The following DHTKD1 variants were observed in gnomAD, a reference collection of about 807,000 sequenced individuals.
DHTKD1 encodes dehydrogenase E1 and transketolase domain containing 1.
In DHTKD1, 78 loss-of-function variants were observed where a neutral mutation model predicts 101.8. That is an observed-to-expected ratio of 0.77 (90% CI 0.64 to 0.93). DHTKD1 has a LOEUF of 0.93. Ranked by LOEUF, DHTKD1 falls within the 40% of genes least tolerant of loss-of-function variation. The probability of loss-of-function intolerance (pLI) is 0.00; values close to 1 mark genes in which losing one functional copy is unlikely to be tolerated. For synonymous variants in DHTKD1, 462 were observed against 450.3 expected, an observed-to-expected ratio of 1.03 and a Z score of -0.33; for missense variants, 1,223 against 1,161.7, an observed-to-expected ratio of 1.05 and a Z score of -0.77.
intron 10 of DHTKD1, 73 bp from the exon 11 acceptor site, chr10:12,106,173 G>T (rs1474717582): frequency 1.3e-6 from 2 of 1,523,546 alleles, no homozygotes; most frequent in African/African-American, 1.4e-5. Flanking sequence ...ACCTCCCTTC[G>T]ATAAGTTCGC....
intron 7 of DHTKD1, among the ~76,000 whole-genome samples, chr10:12,095,609 C>A (rs376121740): frequency 2.6e-5 from 4 of 151,782 alleles, no homozygotes. Flanking sequence ...GTCAGGAGAT[C>A]GAGACCATCC....
At position 12,087,582 on chromosome 10, in the gene DHTKD1, TGGAGGCGAA is replaced by T; in HGVS notation, c.573_581del (p.Gly192_Gly194del). On this transcript the variant is annotated inframe_deletion, in exon 4 of 17. Transcript: ENST00000263035. This position sits in a 1 kb window ranked among gnomAD's most constrained non-coding sequence, Gnocchi z 5.2. Reference sequence around the variant, plus strand: ...CCAAGTTCTCGACAGTGAAGCGATATGGAGGCGAAGGGGCTGAAAGCATGATGGGCTTTT... The same window carrying T: ...CCAAGTTCTCGACAGTGAAGCGATATGGGGCTGAAAGCATGATGGGCTTTT... 1 of 1,613,130 alleles carries T rather than the reference TGGAGGCGAA, an allele frequency of 6.2e-7. No homozygotes were observed.
At chr10:12,075,651 T>C (rs1367226091) in intron 1 of DHTKD1, among the ~76,000 whole-genome samples, 1 of 152,204 alleles carries the variant, frequency 6.6e-6, no homozygotes, top group Non-Finnish European at 1.5e-5. Context: ...ATTACAGGTG[T>C]GAGCCACAAT....
At chr10:12,091,253 A>G (rs7094385) in intron 5 of DHTKD1, among the ~76,000 whole-genome samples, 39,518 of 151,152 alleles carry the variant, frequency 0.26, 5,459 homozygotes, top group African/African-American at 0.37. Context: ...TCTACTAAAA[A>G]TACAAAAAAT....
intron 10 of DHTKD1, among the ~76,000 whole-genome samples, chr10:12,102,234 G>T (rs573972392): frequency 1.6e-4 from 25 of 151,960 alleles, no homozygotes; most frequent in Non-Finnish European, 3.5e-4. Context: ...GACCATCCTG[G>T]CCAAAATGGT....
In DHTKD1 at chr10:12,110,111, A is replaced by G. The variant is rs189107933; in HGVS notation, c.2154+2096A>G. Among the ~76,000 whole-genome samples, 655 of 152,282 alleles carry G rather than the reference A, an allele frequency of 4.3e-3. 7 individuals are homozygous for G. The highest frequency in any genetic ancestry group is 0.012 in the African/African-American group (491 of 41,554). ...CAGGAGATGAAGACCATCCTGGCTA[A>G]CACGGTGAAACCCTGTGTCTACTAA... On this transcript the variant is annotated intron_variant, in intron 12 of 16. Coordinates refer to ENST00000263035, the MANE Select transcript of DHTKD1 (RefSeq NM_018706.7). This position sits in a 1 kb window ranked among gnomAD's most constrained non-coding sequence, Gnocchi z 4.9.
Position 12,120,394 on chromosome 10 carries a change from C to T in DHTKD1, c.2658+127C>T, listed in dbSNP as rs186275430. 1.8e-3 allele frequency: 1,362 copies of T among 770,576 alleles called. 19 individuals carry two copies. In the African/African-American group the frequency reaches 0.02, roughly 12 times the overall value. The allele number at this position is 770,576 out of a possible 1,614,324, so 47.7% of individuals were successfully genotyped here. A position where few individuals can be genotyped will look rare whatever the true frequency, so the allele number is the denominator to read the frequency against. ...TGTTGCCCAGGCTGGAGTGCAGTGG[C>T]GCAATCTCAGCTCACTGCAAGCTCC... On this transcript the variant is annotated intron_variant, in intron 16 of 16. Coordinates refer to ENST00000263035, the MANE Select transcript of DHTKD1 (RefSeq NM_018706.7).
chr10:12,095,812 C>CAAAAAAAAAAAAAAAAAAAAAAAAAAA (rs1185585860), intron 7 of DHTKD1, among the ~76,000 whole-genome samples: 4 of 41,496 alleles, frequency 9.6e-5, no homozygotes, highest in Non-Finnish European at 2.0e-4. Context: ...GACTCCGTCT[C>CAAAAAAAAAAAAAAAAAAAAAAAAAAA]AAAAAAAAAA....
chr10:12,115,695 C>A (rs1833405603), intron 13 of DHTKD1, among the ~76,000 whole-genome samples: 1 of 152,176 alleles, frequency 6.6e-6, no homozygotes, highest in South Asian at 2.1e-4. Flanking sequence ...CCTCATAAGC[C>A]TGGAAGCATC....
intron 8 of DHTKD1, among the ~76,000 whole-genome samples, chr10:12,099,032 T>C (rs1233691444): frequency 6.6e-6 from 1 of 152,046 alleles, no homozygotes; most frequent in African/African-American, 2.4e-5. Flanking sequence ...TTGCCTGGCA[T>C]GGTGGCGCAT....
rs757214535 is a variant in DHTKD1 at position 12,107,898 on chromosome 10, T to C, written c.2048-11T>C. The C allele has an allele frequency of 1.9e-6, 3 of 1,585,330 alleles. No homozygotes were observed. The highest frequency in any genetic ancestry group is 1.7e-6 in the Non-Finnish European group (2 of 1,154,178). ...CGTAGAGCTCTTACTCCCCACGTGG[T>C]ACTTTTCCAGGAGAGGCCAAGTGGC... On this transcript the variant is annotated splice_polypyrimidine_tract_variant and intron_variant, in intron 11 of 16. Coordinates refer to ENST00000263035, the MANE Select transcript of DHTKD1 (RefSeq NM_018706.7). This position sits in a 1 kb window ranked among gnomAD's most constrained non-coding sequence, Gnocchi z 4.1.
Position 12,087,842 on chromosome 10 carries a change from T to A in DHTKD1, c.717+113T>A. The A allele has an allele frequency of 1.0e-6, 1 of 975,684 alleles. No homozygotes were observed. The highest frequency in any genetic ancestry group is 1.4e-6 in the Non-Finnish European group (1 of 692,380). 60.4% of individuals were successfully genotyped at this position (975,684 alleles called of 1,614,324 possible). A position where few individuals can be genotyped will look rare whatever the true frequency, so the allele number is the denominator to read the frequency against. ...TGGTGATGGTGATGGCCGGGCACTGTGGCTCACACCTGCAATCCCAGCCTG... is the reference window on the plus strand; with the variant it reads ...TGGTGATGGTGATGGCCGGGCACTGAGGCTCACACCTGCAATCCCAGCCTG... On this transcript the variant is annotated intron_variant, in intron 4 of 16. Transcript: ENST00000263035. This position sits in a 1 kb window ranked among gnomAD's most constrained non-coding sequence, Gnocchi z 5.2.
At chr10:12,093,322 G>A (rs1300621026) in intron 6 of DHTKD1, among the ~76,000 whole-genome samples, 1 of 152,106 alleles carries the variant, frequency 6.6e-6, no homozygotes, top group Non-Finnish European at 1.5e-5. Context: ...GGGATTATAG[G>A]CGTGAGCCAC....
Position 12,105,545 on chromosome 10 carries a change from T to C in DHTKD1, c.1897-701T>C, listed in dbSNP as rs574927171. 1.0e-3 allele frequency among the ~76,000 whole-genome samples: 155 copies of C among 152,208 alleles called. 1 individual carries two copies. Among genetic ancestry groups the C allele is most frequent in the Non-Finnish European group, 1.7e-3 (119 of 68,002 alleles). On this transcript the variant is annotated intron_variant, in intron 10 of 16. Transcript: ENST00000263035. The stretch of plus-strand genomic sequence containing the variant: ...GTTGCCCATGTTGATCTCAAACTCC[T>C]GTGCTCAAGCGATCCTCCCATCTCG...
At chr10:12,106,193 GT>G (rs1339744930) in intron 10 of DHTKD1, 52 bp from the exon 11 acceptor site, 3 of 1,602,854 alleles carry the variant, frequency 1.9e-6, no homozygotes, top group Non-Finnish European at 2.6e-6. Context: ...CAGGAGCCCA[GT>G]GCTCTGCCGT....
intron 1 of DHTKD1, among the ~76,000 whole-genome samples, chr10:12,071,808 G>A (rs186590886): frequency 6.2e-3 from 940 of 152,228 alleles, no homozygotes; most frequent in Non-Finnish European, 0.01. Context: ...GATTATAGGC[G>A]CGAGCCACCG....
At chr10:12,105,402 A>G (rs1397608778) in intron 10 of DHTKD1, among the ~76,000 whole-genome samples, 2 of 151,630 alleles carry the variant, frequency 1.3e-5, no homozygotes, top group African/African-American at 4.8e-5. Flanking sequence ...TGTAGTTTCA[A>G]CCTCCTGGGC....
intron 15 of DHTKD1, among the ~76,000 whole-genome samples, chr10:12,119,963 A>G (rs1833497968): frequency 6.6e-6 from 1 of 152,240 alleles, no homozygotes; most frequent in Non-Finnish European, 1.5e-5. Context: ...ATTACATTTC[A>G]TAATGAAGTG....
At chr10:12,070,604 C>T (rs1832637497) in intron 1 of DHTKD1, among the ~76,000 whole-genome samples, 2 of 152,116 alleles carry the variant, frequency 1.3e-5, no homozygotes, top group African/African-American at 4.8e-5. Context: ...TTGTCCTGCC[C>T]CAGTGTTCCG....
Sources: allele counts gnomAD v4.1 joint callset (sites outside exome capture counted in the v4.1 genomes callset), GRCh38; gene constraint gnomAD v4.1.1; non-coding constraint Gnocchi (gnomAD v3.1); transcripts MANE v1.5; gene names NCBI Gene and HGNC (gene_info 2026-07-23, HGNC 2026-07-21).